Variants in DHX57 observed in about 807,000 individuals in gnomAD.
DHX57 encodes the protein DExH-box helicase 57, also known as putative ATP-dependent RNA helicase DHX57.
DHX57 carries 105 observed loss-of-function variants against 156.2 expected under a neutral mutation model. The ratio of observed to expected loss-of-function variants is 0.67; its 90% CI spans 0.57 to 0.79. The LOEUF (loss-of-function observed/expected upper bound fraction) is 0.79, where lower values mean the gene tolerates loss of function less well. DHX57 is among the 30% of genes least tolerant of loss of function. DHX57 has a pLI of 0.00. For missense variants in DHX57, 1,847 were observed against 1,661.9 expected (o/e 1.11, Z -1.94); for synonymous variants, 704 against 595.6 (o/e 1.18, Z -2.65).
rs142857010 is a variant in DHX57, at chr2:38,871,183, C to T, written c.-6-2772G>A. Among the ~76,000 whole-genome samples, 677 of 152,192 alleles carry T rather than the reference C, an allele frequency of 4.4e-3. 7 individuals are homozygous for T. The highest frequency in any genetic ancestry group is 0.015 in the African/African-American group (615 of 41,548). Reference sequence around the variant, plus strand: ...ACATTTATTTATTTGAAAACCAGTACAAAAGTATTGTCTCTTCTTTTCTCT... The same window carrying T: ...ACATTTATTTATTTGAAAACCAGTATAAAAGTATTGTCTCTTCTTTTCTCT... On this transcript the variant is annotated intron_variant, in intron 1 of 23. Transcript: ENST00000457308.
At position 38,861,516 on chromosome 2, in the gene DHX57, T is replaced by C; in HGVS notation, c.894A>G (p.Gln298=). Residue 298 remains glutamine (Q), a synonymous_variant, in exon 5 of 24, where the codon CAA becomes CAG. Coordinates refer to ENST00000457308, the MANE Select transcript of DHX57 (RefSeq NM_198963.3). Reference sequence around the variant, plus strand: ...ATTTACAGATTTCAAGTGAATTCTCTTGTACATTTTTGGTACTTTCTTTTG... The same window carrying C: ...ATTTACAGATTTCAAGTGAATTCTCCTGTACATTTTTGGTACTTTCTTTTG... ...SKPKESTKNV[Q]ENSLEICKFY... The C allele has an allele frequency of 6.2e-7, 1 of 1,614,164 alleles. No individual in the cohort carries two copies. The highest frequency in any genetic ancestry group is 8.5e-7 in the Non-Finnish European group (1 of 1,180,040).
intron 14 of DHX57, among the ~76,000 whole-genome samples, chr2:38,827,603 T>C (rs1177308927): frequency 7.1e-6 from 1 of 140,684 alleles, no homozygotes; most frequent in Non-Finnish European, 1.5e-5. Flanking sequence ...AGACAGGCAA[T>C]GACAATGATG....
At chr2:38,826,491 C>G (rs761734288) in intron 15 of DHX57, 25 bp downstream of exon 15, 1 of 1,607,672 alleles carries the variant, frequency 6.2e-7, no homozygotes, top group South Asian at 1.1e-5. Context: ...TAGCCCCTCT[C>G]TTACATCACC....
intron 12 of DHX57, among the ~76,000 whole-genome samples, chr2:38,839,151 C>T (rs1671844601): frequency 6.6e-6 from 1 of 151,490 alleles, no homozygotes; most frequent in Non-Finnish European, 1.5e-5. Context: ...AGGCTGGTCT[C>T]GAACTCCTAA....
At chr2:38,842,959 A>G in intron 12 of DHX57, 46 bp downstream of exon 12, 1 of 1,581,528 alleles carries the variant, frequency 6.3e-7, no homozygotes, top group Admixed American at 1.7e-5. Flanking sequence ...AAAGAATACT[A>G]GAAATCTTTG....
At chr2:38,863,808 T>A (rs1572709518) in intron 2 of DHX57, among the ~76,000 whole-genome samples, 1 of 151,426 alleles carries the variant, frequency 6.6e-6, no homozygotes, top group African/African-American at 2.4e-5. Flanking sequence ...AGGTCAGGAG[T>A]TTCAGACCAG....
chr2:38,826,711 T>A, intron 14 of DHX57, 22 bp from the exon 15 acceptor site: 1 of 1,611,696 alleles, frequency 6.2e-7, no homozygotes, highest in Non-Finnish European at 8.5e-7. Context: ...TAAAAGCACA[T>A]GAAGTATTCT....
chr2:38,874,401 ATTTTTTTTTTTTT>A (rs60727396), intron 1 of DHX57, among the ~76,000 whole-genome samples: 1 of 75,460 alleles, frequency 1.3e-5, no homozygotes, highest in Non-Finnish European at 2.5e-5. Flanking sequence ...GAAATACTGT[ATTTTTTTTTTTTT>A]TTTTTTTTTT....
intron 21 of DHX57, chr2:38,810,322 A>G (rs1207123366): frequency 5.7e-6 from 2 of 353,634 alleles, no homozygotes; most frequent in Non-Finnish European, 1.1e-5. Flanking sequence ...CAGCCCCACT[A>G]CACTCTTAGC....
intron 23 of DHX57, among the ~76,000 whole-genome samples, chr2:38,800,694 G>A (rs1012487904): frequency 3.3e-5 from 5 of 152,156 alleles, no homozygotes; most frequent in Non-Finnish European, 1.5e-5. Context: ...TGGACCATAT[G>A]CTGCATACAT....
chr2:38,832,981 C>CTTT (rs773309488), intron 13 of DHX57, among the ~76,000 whole-genome samples: 56 of 99,554 alleles, frequency 5.6e-4, no homozygotes, highest in Non-Finnish European at 8.0e-4. Context: ...AATGTCTATT[C>CTTT]TTTTTTTTTT....
chr2:38,835,206 G>GA (rs923087529), intron 13 of DHX57, among the ~76,000 whole-genome samples: 3 of 151,932 alleles, frequency 2.0e-5, no homozygotes, highest in Admixed American at 6.6e-5. Flanking sequence ...CCCTCTTCTG[G>GA]AAAAAAAATG....
intron 14 of DHX57, among the ~76,000 whole-genome samples, chr2:38,827,515 T>A (rs377180597): frequency 0.045 from 620 of 13,804 alleles, 9 homozygotes; most frequent in Non-Finnish European, 0.17. Context: ...AATATATATA[T>A]ATATATATAT....
At chr2:38,843,534 A>T (rs896147087) in intron 11 of DHX57, among the ~76,000 whole-genome samples, 3 of 152,190 alleles carry the variant, frequency 2.0e-5, no homozygotes, top group African/African-American at 7.2e-5. Context: ...CAGCAATCTT[A>T]TTGATCCTCT....
intron 2 of DHX57, among the ~76,000 whole-genome samples, chr2:38,865,559 G>A (rs554267886): frequency 7.2e-5 from 11 of 152,170 alleles, no homozygotes; most frequent in African/African-American, 2.4e-4. Context: ...CTAATACAGG[G>A]GTACATGTGC....
At chr2:38,856,765 T>C (rs1672923412) in intron 6 of DHX57, 1 of 205,862 alleles carries the variant, frequency 4.9e-6, no homozygotes, top group Non-Finnish European at 9.7e-6. Context: ...TCTCCCAAAG[T>C]GCTGGGATTA....
intron 2 of DHX57, among the ~76,000 whole-genome samples, chr2:38,864,518 C>A (rs1418083485): frequency 6.6e-6 from 1 of 152,150 alleles, no homozygotes; most frequent in African/African-American, 2.4e-5. Flanking sequence ...CATCCTTTAT[C>A]TTAAAGTCAG....
chr2:38,868,080 C>T (rs1480968079), intron 2 of DHX57, 102 bp downstream of exon 2: 4 of 1,425,710 alleles, frequency 2.8e-6, no homozygotes, highest in Non-Finnish European at 3.8e-6. Context: ...GACAATTTGA[C>T]CAGAATTACT....
chr2:38,871,002 A>C (rs1054673859), intron 1 of DHX57, among the ~76,000 whole-genome samples: 1 of 152,212 alleles, frequency 6.6e-6, no homozygotes, highest in Admixed American at 6.5e-5. Flanking sequence ...AAACTGAGAG[A>C]ATTTGTTGTC....
Sources: gnomAD v4.1 joint callset for allele counts (sites outside exome capture counted in the v4.1 genomes callset) on GRCh38, gnomAD v4.1.1 for gene constraint, MANE v1.5 for transcripts, NCBI Gene and HGNC (gene_info 2026-07-23, HGNC 2026-07-21) for gene names.